Variants in MAD1L1 observed in about 807,000 individuals in gnomAD.
MAD1L1 encodes the protein mitotic arrest deficient 1 like 1, also known as mitotic spindle assembly checkpoint protein MAD1.
MAD1L1 carries 95 observed loss-of-function variants against 96.9 expected under a neutral mutation model. The observed-to-expected ratio is 0.98, with a 90% CI of 0.83 to 1.16. The LOEUF is 1.16. Ranked by LOEUF, MAD1L1 falls within the 50% of genes most tolerant of loss-of-function variation. MAD1L1 has a pLI of 0.00. For synonymous variants in MAD1L1, 473 were observed against 396.6 expected (o/e 1.19, Z -2.29); for missense variants, 1,007 against 954.4 (o/e 1.06, Z -0.73).
intron 16 of MAD1L1, among the ~76,000 whole-genome samples, chr7:1,942,708 G>A (rs1779058426): frequency 6.6e-6 from 1 of 152,144 alleles, no homozygotes; most frequent in South Asian, 2.1e-4. Context: ...CGGGACCAGA[G>A]ACTCCCAGGG....
intron 10 of MAD1L1, among the ~76,000 whole-genome samples, chr7:2,149,492 G>C (rs1468225241): frequency 6.6e-6 from 1 of 152,148 alleles, no homozygotes; most frequent in East Asian, 1.9e-4. Flanking sequence ...TAGAAACAGA[G>C]ACACGACCTG....
At chr7:1,827,489 C>A (rs1782466204) in intron 18 of MAD1L1, among the ~76,000 whole-genome samples, 1 of 144,730 alleles carries the variant, frequency 6.9e-6, no homozygotes, top group Non-Finnish European at 1.5e-5. Context: ...GCCTCCCCTC[C>A]TGAGCCCGTC....
At chr7:1,868,004 GTGCCC>G (rs910779381) in intron 18 of MAD1L1, among the ~76,000 whole-genome samples, 1 of 152,178 alleles carries the variant, frequency 6.6e-6, no homozygotes, top group African/African-American at 2.4e-5. Context: ...TGTGTGGCCA[GTGCCC>G]TGCCCTGCCC....
intron 17 of MAD1L1, among the ~76,000 whole-genome samples, chr7:1,926,970 G>A (rs1464006143): frequency 6.6e-6 from 1 of 152,138 alleles, no homozygotes; most frequent in Non-Finnish European, 1.5e-5. Flanking sequence ...TGACTGCAAA[G>A]GATTAGAAAA....
chr7:1,980,455 G>C lies in MAD1L1; in HGVS notation c.1503C>G (p.Leu501=), dbSNP rs772062212. The stretch of plus-strand genomic sequence containing the variant: ...CGCCTCCTCTCTGGGGGACGTACCT[G>C]AGCGTGTCCGCCTCCTCCCTGGAGA... ...FLFSREEADT[L]RLKVEELEGE... The change falls in exon 15 of 19, where the codon CTC becomes CTG. Residue 501 remains leucine, a splice_region_variant and synonymous_variant. Transcript: ENST00000265854. 7 of 1,610,946 alleles carry C rather than the reference G, an allele frequency of 4.3e-6. No individual in the cohort carries two copies. The South Asian group carries it at 6.6e-5, about 15-fold the overall frequency.
intron 18 of MAD1L1, among the ~76,000 whole-genome samples, chr7:1,894,621 T>C (rs1786751837): frequency 1.3e-5 from 2 of 151,972 alleles, no homozygotes; most frequent in African/African-American, 4.8e-5. Context: ...ATGAACATGC[T>C]CTAAAGGCCC....
chr7:2,051,713 C>T (rs1419795969), intron 12 of MAD1L1, among the ~76,000 whole-genome samples: 6 of 137,660 alleles, frequency 4.4e-5, no homozygotes, highest in Non-Finnish European at 7.9e-5. Context: ...CCCCCACCAG[C>T]TGCGCTGTGC....
chr7:1,847,168 A>G, intron 18 of MAD1L1: 2 of 436,522 alleles, frequency 4.6e-6, no homozygotes, highest in Non-Finnish European at 4.7e-6. Flanking sequence ...TCCTGGGAAC[A>G]AGGAGTTCCT....
chr7:1,868,979 C>A (rs570177880), intron 18 of MAD1L1, among the ~76,000 whole-genome samples: 1 of 152,224 alleles, frequency 6.6e-6, no homozygotes, highest in Admixed American at 6.5e-5. Context: ...CAAACCCTCG[C>A]GTGTGTAGGA....
intron 18 of MAD1L1, chr7:1,846,361 C>G (rs1783622728): frequency 6.5e-6 from 1 of 152,714 alleles, no homozygotes; most frequent in South Asian, 2.1e-4. Flanking sequence ...GGGGTCAGCC[C>G]TCACGGACAG....
At chr7:2,086,463 G>T (rs73032334) in intron 11 of MAD1L1, among the ~76,000 whole-genome samples, 3 of 152,234 alleles carry the variant, frequency 2.0e-5, no homozygotes, top group Non-Finnish European at 4.4e-5. Flanking sequence ...CAGCACAGCC[G>T]GCTGGGGACG....
intron 18 of MAD1L1, among the ~76,000 whole-genome samples, chr7:1,879,941 A>C (rs1007305605): frequency 3.3e-5 from 5 of 152,180 alleles, no homozygotes; most frequent in African/African-American, 1.2e-4. Context: ...TCTGTTAGCC[A>C]GGATGGTCTC....
chr7:2,162,864 A>G, intron 10 of MAD1L1, among the ~76,000 whole-genome samples: 1 of 150,492 alleles, frequency 6.6e-6, no homozygotes, highest in Non-Finnish European at 1.5e-5. Flanking sequence ...CATTAATTGG[A>G]GTTTCATCTT....
chr7:2,114,980 G>C lies in MAD1L1; in HGVS notation c.1073+34172C>G, dbSNP rs1006226599. Among the ~76,000 whole-genome samples the C allele has an allele frequency of 1.3e-5, 2 of 152,244 alleles. No homozygotes were observed. The highest frequency in any genetic ancestry group is 3.8e-4 in the East Asian group (2 of 5,202). Reference sequence around the variant, plus strand: ...TCCGGAAGAATCTGTTCCCAGGGTAGAAACAGTGACGGGCCAGTGCAGCAG... The same window carrying C: ...TCCGGAAGAATCTGTTCCCAGGGTACAAACAGTGACGGGCCAGTGCAGCAG... On this transcript the variant is annotated intron_variant, in intron 11 of 18. Coordinates refer to ENST00000265854, the MANE Select transcript of MAD1L1 (RefSeq NM_001013836.2). This position sits in a 1 kb window ranked among gnomAD's most constrained non-coding sequence, Gnocchi z 4.2.
chr7:1,942,249 G>A (rs935465755), intron 16 of MAD1L1, among the ~76,000 whole-genome samples: 8 of 152,142 alleles, frequency 5.3e-5, no homozygotes, highest in Non-Finnish European at 1.0e-4. Flanking sequence ...CACTCAGCAA[G>A]TGGAGGGGAC....
At chr7:1,849,799 T>TGGCAGC (rs67135705) in intron 18 of MAD1L1, 80,867 of 151,686 alleles carry the variant, frequency 0.53, 21,861 homozygotes, top group South Asian at 0.72. Flanking sequence ...GACCCCGCAG[T>TGGCAGC]GGCAGCGGCA....
intron 17 of MAD1L1, among the ~76,000 whole-genome samples, chr7:1,906,452 G>A (rs940379936): frequency 3.3e-5 from 5 of 152,164 alleles, no homozygotes; most frequent in African/African-American, 1.2e-4. Context: ...TCCCAGCCCC[G>A]CCCCAGGGCC....
chr7:2,182,738 A>C (rs1293970557), intron 10 of MAD1L1, among the ~76,000 whole-genome samples: 3 of 152,182 alleles, frequency 2.0e-5, no homozygotes, highest in Non-Finnish European at 2.9e-5. Flanking sequence ...CCACTGATAC[A>C]CAACGTCCAG....
chr7:2,079,104 C>A (rs564115613), intron 11 of MAD1L1, among the ~76,000 whole-genome samples: 1 of 152,244 alleles, frequency 6.6e-6, no homozygotes, highest in South Asian at 2.1e-4. Context: ...TTCAAGTCCA[C>A]GTGGCCAGCT....
Sources: gnomAD v4.1 joint callset for allele counts (sites outside exome capture counted in the v4.1 genomes callset) on GRCh38, gnomAD v4.1.1 for gene constraint, Gnocchi (gnomAD v3.1) non-coding constraint, MANE v1.5 for transcripts, NCBI Gene and HGNC (gene_info 2026-07-23, HGNC 2026-07-21) for gene names.